The following ATRNL1 variants were observed in gnomAD, a reference collection of about 807,000 sequenced individuals.
ATRNL1 encodes the protein attractin-like protein 1.
A neutral mutation model predicts 182.7 loss-of-function variants in ATRNL1; 95 were observed. The ratio of observed to expected loss-of-function variants is 0.52; its 90% CI spans 0.44 to 0.62. The LOEUF is 0.62. ATRNL1 is among the 20% of genes least tolerant of loss of function. ATRNL1 has a pLI of 0.00. For missense variants in ATRNL1, 1,471 were observed against 1,679.5 expected, an observed-to-expected ratio of 0.88 and a Z score of 2.17; for synonymous variants, 576 against 568.3, an observed-to-expected ratio of 1.01 and a Z score of -0.19.
rs1287083906 is a variant in ATRNL1, at chr10:115,831,157, G to T, written c.3904-16720G>T. On this transcript the variant is annotated intron_variant, in intron 27 of 28. Transcript: ENST00000355044. Reference sequence around the variant, plus strand: ...CACGGATGGGCTGGTTGGTTCGTTGGTATTTCCCGGTTTGCTTCCCTTTTC... The same window carrying T: ...CACGGATGGGCTGGTTGGTTCGTTGTTATTTCCCGGTTTGCTTCCCTTTTC... 2.0e-5 allele frequency among the ~76,000 whole-genome samples: 3 copies of T among 152,208 alleles called. No homozygotes were observed. In the East Asian group the frequency reaches 5.8e-4, roughly 29 times the overall value.
At chr10:115,756,968 C>G (rs1948606693) in intron 27 of ATRNL1, among the ~76,000 whole-genome samples, 1 of 152,092 alleles carries the variant, frequency 6.6e-6, no homozygotes, top group Non-Finnish European at 1.5e-5. Context: ...TTATTAGAGA[C>G]TAGTATTGCA....
intron 26 of ATRNL1, among the ~76,000 whole-genome samples, chr10:115,580,118 C>A (rs1555006723): frequency 6.6e-6 from 1 of 152,018 alleles, no homozygotes; most frequent in African/African-American, 2.4e-5. Context: ...CCTTTTATAG[C>A]AAATTACCAT....
chr10:115,458,225 A>G (rs1847621508), intron 21 of ATRNL1, among the ~76,000 whole-genome samples: 1 of 152,158 alleles, frequency 6.6e-6, no homozygotes, highest in African/African-American at 2.4e-5. Context: ...TAAATTTTCC[A>G]TTCATAACCA....
At chr10:115,821,270 A>C (rs1216108658) in intron 27 of ATRNL1, among the ~76,000 whole-genome samples, 2 of 152,196 alleles carry the variant, frequency 1.3e-5, no homozygotes, top group African/African-American at 4.8e-5. Flanking sequence ...CTTTCTTAGA[A>C]AAGTAGCTTG....
chr10:115,412,251 C>A (rs372958671), intron 20 of ATRNL1, among the ~76,000 whole-genome samples: 3 of 152,166 alleles, frequency 2.0e-5, no homozygotes, highest in East Asian at 1.9e-4. Flanking sequence ...CCAAGGCCCT[C>A]GGTCCTATAG....
At chr10:115,857,168 C>G (rs1951208504) in intron 28 of ATRNL1, among the ~76,000 whole-genome samples, 1 of 151,972 alleles carries the variant, frequency 6.6e-6, no homozygotes. Context: ...TGTAATAATA[C>G]AATATATAAC....
intron 28 of ATRNL1, among the ~76,000 whole-genome samples, chr10:115,927,445 A>G (rs782684684): frequency 1.8e-4 from 27 of 152,240 alleles, no homozygotes; most frequent in Non-Finnish European, 2.6e-4. Flanking sequence ...AATTTTCTTC[A>G]TAATACCAAA....
intron 26 of ATRNL1, among the ~76,000 whole-genome samples, chr10:115,589,388 C>T (rs1855770720): frequency 6.6e-6 from 1 of 152,144 alleles, no homozygotes; most frequent in Admixed American, 6.5e-5. Context: ...TATTTATTCA[C>T]ATTATTTTAC....
At chr10:115,684,200 T>C (rs893725912) in intron 26 of ATRNL1, among the ~76,000 whole-genome samples, 2 of 151,496 alleles carry the variant, frequency 1.3e-5, no homozygotes, top group Non-Finnish European at 3.0e-5. Context: ...ATTTAAACTT[T>C]CTACTTTTTG....
intron 27 of ATRNL1, among the ~76,000 whole-genome samples, chr10:115,728,847 G>A (rs993434901): frequency 5.3e-5 from 8 of 152,094 alleles, no homozygotes; most frequent in Non-Finnish European, 1.2e-4. Flanking sequence ...TAACAAAAAA[G>A]AATGATTAAA....
intron 27 of ATRNL1, among the ~76,000 whole-genome samples, chr10:115,804,249 A>G (rs1451959749): frequency 1.3e-5 from 2 of 152,282 alleles, no homozygotes; most frequent in East Asian, 3.9e-4. Flanking sequence ...TTGATTATCT[A>G]TTTGACTAAC....
At chr10:115,284,075 A>AT (rs1324357911) in intron 14 of ATRNL1, among the ~76,000 whole-genome samples, 1 of 151,948 alleles carries the variant, frequency 6.6e-6, no homozygotes, top group Non-Finnish European at 1.5e-5. Flanking sequence ...GGTGTATTGC[A>AT]TTTTTTTTAC....
At chr10:115,516,174 G>C (rs1850627822) in intron 24 of ATRNL1, among the ~76,000 whole-genome samples, 1 of 151,772 alleles carries the variant, frequency 6.6e-6, no homozygotes, top group African/African-American at 2.4e-5. Flanking sequence ...CATATTCTAA[G>C]TAAGTTTTTC....
chr10:115,664,048 C>G (rs1328964295), intron 26 of ATRNL1, among the ~76,000 whole-genome samples: 1 of 152,126 alleles, frequency 6.6e-6, no homozygotes, highest in Non-Finnish European at 1.5e-5. Context: ...CATGCTCTCA[C>G]CTAAATCCAG....
intron 26 of ATRNL1, among the ~76,000 whole-genome samples, chr10:115,699,181 C>T (rs1946656430): frequency 6.6e-6 from 1 of 151,936 alleles, no homozygotes; most frequent in Non-Finnish European, 1.5e-5. Flanking sequence ...GTAAAGTCAT[C>T]AATTCTACTG....
At chr10:115,796,596 C>G (rs1555083003) in intron 27 of ATRNL1, among the ~76,000 whole-genome samples, 2 of 152,248 alleles carry the variant, frequency 1.3e-5, no homozygotes, top group East Asian at 3.9e-4. Context: ...GCAATAAATG[C>G]TTGTTAAATT....
chr10:115,447,290 T>A (rs1554966850), intron 21 of ATRNL1, among the ~76,000 whole-genome samples: 1 of 151,818 alleles, frequency 6.6e-6, no homozygotes, highest in Non-Finnish European at 1.5e-5. Flanking sequence ...TTGGATTTTT[T>A]AAAAAGAAAG....
intron 10 of ATRNL1, among the ~76,000 whole-genome samples, chr10:115,246,314 G>A (rs1044124156): frequency 3.3e-5 from 5 of 152,054 alleles, no homozygotes; most frequent in Admixed American, 1.3e-4. Flanking sequence ...ACTATACACC[G>A]TGATATTTAT....
intron 28 of ATRNL1, among the ~76,000 whole-genome samples, chr10:115,862,931 AAAAGT>A (rs1387116580): frequency 2.0e-5 from 3 of 152,240 alleles, no homozygotes; most frequent in Non-Finnish European, 4.4e-5. Context: ...ATTAAGTGAG[AAAAGT>A]AAAGTGCATA....
Sources: gnomAD v4.1 joint callset for allele counts (sites outside exome capture counted in the v4.1 genomes callset) on GRCh38, gnomAD v4.1.1 for gene constraint, MANE v1.5 for transcripts, NCBI Gene and HGNC (gene_info 2026-07-23, HGNC 2026-07-21) for gene names.